Variants in PAXIP1 observed in about 807,000 individuals in gnomAD.
PAXIP1 encodes the protein PAX-interacting protein 1.
In PAXIP1, 19 loss-of-function variants were observed where a neutral mutation model predicts 140.6. The ratio of observed to expected loss-of-function variants is 0.14; its 90% CI spans 0.09 to 0.20. The LOEUF is 0.20. PAXIP1 is among the 10% of genes least tolerant of loss of function. The probability of loss-of-function intolerance (pLI) is 1.00; values close to 1 mark genes in which losing one functional copy is unlikely to be tolerated. For synonymous variants in PAXIP1, 442 were observed against 444.6 expected, an observed-to-expected ratio of 0.99 and a Z score of 0.07; for missense variants, 920 against 1,208.6, an observed-to-expected ratio of 0.76 and a Z score of 3.54.
chr7:154,954,230 C>A lies in PAXIP1; in HGVS notation c.2821+25G>T. ...AAAAAAGTTTATTTGGCATTAAAAG[C>A]AAAGTTACTGGCGCTGCTCCTTACC... On this transcript the variant is annotated intron_variant, in intron 16 of 20. Transcript: ENST00000404141. The surrounding 1 kb of genome is among the most constrained non-coding windows in gnomAD (Gnocchi z 5.1). 7.2e-7 allele frequency: 1 copy of A among 1,380,856 alleles called. No homozygotes were observed. The highest frequency in any genetic ancestry group is 9.5e-7 in the Non-Finnish European group (1 of 1,052,540). The allele number at this position is 1,380,856 out of a possible 1,614,324, so 85.5% of individuals were successfully genotyped here.
Position 154,956,084 on chromosome 7 carries a change from G to A in PAXIP1, c.2550-453C>T, listed in dbSNP as rs1808498788. On this transcript the variant is annotated intron_variant, in intron 14 of 20. Coordinates refer to ENST00000404141, the MANE Select transcript of PAXIP1 (RefSeq NM_007349.4). This position sits in a 1 kb window ranked among gnomAD's most constrained non-coding sequence, Gnocchi z 4.2. ...ACCATCAATACAAGTCAGCCAAGAC[G>A]AGTGTCGCTAGAGCTTCCAGTGTCT... is the stretch of plus-strand genomic sequence containing the variant. Among the ~76,000 whole-genome samples, 1 of 152,202 alleles carries A rather than the reference G, an allele frequency of 6.6e-6. No homozygotes were observed. The highest frequency in any genetic ancestry group is 1.5e-5 in the Non-Finnish European group (1 of 68,046).
chr7:154,981,045 C>G (rs1043878256), intron 5 of PAXIP1, among the ~76,000 whole-genome samples: 1 of 151,822 alleles, frequency 6.6e-6, no homozygotes, highest in Non-Finnish European at 1.5e-5. Flanking sequence ...TGTGTGAACC[C>G]GGGAGATGGA....
At position 154,993,800 on chromosome 7, in the gene PAXIP1, T is replaced by C. The variant is rs371456853; in HGVS notation, c.217-31A>G. The C allele has an allele frequency of 6.6e-6, 10 of 1,526,010 alleles. No individual in the cohort carries two copies. In the African/African-American group the frequency reaches 6.9e-5, roughly 11 times the overall value. The allele number at this position is 1,526,010 out of a possible 1,614,324, so 94.5% of individuals were successfully genotyped here. A position where few individuals can be genotyped will look rare whatever the true frequency, so the allele number is the denominator to read the frequency against. On this transcript the variant is annotated intron_variant, in intron 2 of 20. Transcript: ENST00000404141. ...AAAGAAAAGATTAAATCAAAAAGTA[T>C]TCTCAATTTACAAGTGGCATATTAT...
rs1253954340 is a variant in PAXIP1 at position 154,946,451 on chromosome 7, T to C, written c.3134-26A>G. ...CTGAACAGGGTGGAAACAGACACTT[T>C]AGTTAGAGATCCACTGCTGTGCGTG... On this transcript the variant is annotated intron_variant, in intron 19 of 20. Coordinates refer to ENST00000404141, the MANE Select transcript of PAXIP1 (RefSeq NM_007349.4). This position sits in a 1 kb window ranked among gnomAD's most constrained non-coding sequence, Gnocchi z 4.9. 6 of 1,611,362 alleles carry C rather than the reference T, an allele frequency of 3.7e-6. No homozygotes were observed. The highest frequency in any genetic ancestry group is 1.1e-5 in the South Asian group (1 of 91,046).
rs368239494 is a variant in PAXIP1 at position 154,943,924 on chromosome 7, T to TA, written c.*224dup. The TA allele has an allele frequency of 1.9e-3, 1,019 of 532,208 alleles. 16 individuals are homozygous for TA. Among genetic ancestry groups the TA allele is most frequent in the South Asian group, 0.016 (666 of 42,442 alleles). The allele number at this position is 532,208 out of a possible 1,614,324, so 33.0% of individuals were successfully genotyped here. ...AATCATAAAACCTAATGTGGGCTCTTAAAGTCATATAATACAAAACATAAT... is the reference window on the plus strand; with the variant it reads ...AATCATAAAACCTAATGTGGGCTCTTAAAAGTCATATAATACAAAACATAAT... On this transcript the variant is annotated 3_prime_UTR_variant, in exon 21 of 21. Coordinates refer to ENST00000404141, the MANE Select transcript of PAXIP1 (RefSeq NM_007349.4).
chr7:154,968,914 C>G lies in PAXIP1; in HGVS notation c.1287G>C (p.Gln429His), dbSNP rs1410754987. 4 of 1,306,564 alleles carry G rather than the reference C, an allele frequency of 3.1e-6. No homozygotes were observed. Among genetic ancestry groups the G allele is most frequent in the Non-Finnish European group, 4.3e-6 (4 of 924,816 alleles). 80.9% of individuals were successfully genotyped at this position (1,306,564 alleles called of 1,614,324 possible). A position where few individuals can be genotyped will look rare whatever the true frequency, so the allele number is the denominator to read the frequency against. Reference protein sequence around the residue: ...LQPQQIMQLQQQQQQQISQQP... With the variant: ...LQPQQIMQLQHQQQQQISQQP... ...GCTGAGAGATCTGCTGCTGCTGCTGCTGCTGGAGCTGCATTATCTGCTGGG... is the reference window on the plus strand; with the variant it reads ...GCTGAGAGATCTGCTGCTGCTGCTGGTGCTGGAGCTGCATTATCTGCTGGG... Residue 429 changes from glutamine (Q) to histidine (H), a missense_variant, in exon 7 of 21, where the codon CAG becomes CAC. Coordinates refer to ENST00000404141, the MANE Select transcript of PAXIP1 (RefSeq NM_007349.4).
chr7:154,984,418 A>C (rs1176259357), intron 4 of PAXIP1, among the ~76,000 whole-genome samples: 3 of 152,174 alleles, frequency 2.0e-5, no homozygotes, highest in Non-Finnish European at 4.4e-5. Context: ...TGTCTCGTTA[A>C]TTTTTTAAAA....
At position 154,986,153 on chromosome 7, in the gene PAXIP1, C is replaced by A. The variant is rs1810059535; in HGVS notation, c.325-2821G>T. ...CTGGGAGAGCTCTGGAAGACTCCAACAAAGAGCTCCAGCTTGTATCAACAC... is the reference window on the plus strand; with the variant it reads ...CTGGGAGAGCTCTGGAAGACTCCAAAAAAGAGCTCCAGCTTGTATCAACAC... On this transcript the variant is annotated intron_variant, in intron 4 of 20. Coordinates refer to ENST00000404141, the MANE Select transcript of PAXIP1 (RefSeq NM_007349.4). The surrounding 1 kb of genome is among the most constrained non-coding windows in gnomAD (Gnocchi z 4.8). The A allele has an allele frequency of 7.3e-7, 1 of 1,362,328 alleles. No individual in the cohort carries two copies. The highest frequency in any genetic ancestry group is 1.5e-5 in the African/African-American group (1 of 67,666). 84.4% of individuals were successfully genotyped at this position (1,362,328 alleles called of 1,614,324 possible).
chr7:154,985,057 G>T (rs1810009277), intron 4 of PAXIP1, among the ~76,000 whole-genome samples: 1 of 152,110 alleles, frequency 6.6e-6, no homozygotes, highest in South Asian at 2.1e-4. Flanking sequence ...ATTCTTCACT[G>T]ATGTACGTTT....
In PAXIP1 at chr7:154,946,569, A is replaced by G; in HGVS notation, c.3076T>C (p.Leu1026=). The G allele has an allele frequency of 6.2e-7, 1 of 1,613,962 alleles. No individual in the cohort carries two copies. Among genetic ancestry groups the G allele is most frequent in the Non-Finnish European group, 8.5e-7 (1 of 1,179,856 alleles). ...KQNSSLSEII[L]ISCENDLHLC... ...TGAAGGTCATTTTCACAGGATATTA[A>G]AATTATTTCCGACAAACTCTAAGGA... Residue 1026 remains leucine, a synonymous_variant, in exon 19 of 21, where the codon TTA becomes CTA. Coordinates refer to ENST00000404141, the MANE Select transcript of PAXIP1 (RefSeq NM_007349.4). The surrounding 1 kb of genome is among the most constrained non-coding windows in gnomAD (Gnocchi z 4.9).
At chr7:155,002,791 CG>C (rs1386502662) in intron 1 of PAXIP1, 57 bp downstream of exon 1, 6 of 985,308 alleles carry the variant, frequency 6.1e-6, no homozygotes, top group African/African-American at 5.2e-5. Context: ...GGGACGGGGA[CG>C]GGGACGGACG....
chr7:154,991,765 T>C (rs532020719), intron 3 of PAXIP1, among the ~76,000 whole-genome samples: 18 of 152,342 alleles, frequency 1.2e-4, no homozygotes, highest in African/African-American at 4.3e-4. Flanking sequence ...TAATTCATAG[T>C]CTATTCAGAG....
intron 16 of PAXIP1, 95 bp from the exon 17 acceptor site, chr7:154,948,098 A>G: frequency 1.3e-6 from 1 of 788,122 alleles, no homozygotes; most frequent in Non-Finnish European, 2.3e-6. Context: ...CAGGTACATA[A>G]TATTACAGCT....
intron 2 of PAXIP1, among the ~76,000 whole-genome samples, chr7:154,995,153 G>A (rs540863257): frequency 2.0e-5 from 3 of 152,274 alleles, no homozygotes; most frequent in South Asian, 2.1e-4. Context: ...TGCTGTCCAC[G>A]AGAATTTTCA....
chr7:154,987,531 T>G (rs73493752), intron 4 of PAXIP1, among the ~76,000 whole-genome samples: 3,760 of 152,242 alleles, frequency 0.025, 143 homozygotes, highest in African/African-American at 0.083. Context: ...CCTCTCTCTA[T>G]CATGCTCTGC....
intron 4 of PAXIP1, 134 bp from the exon 5 acceptor site, chr7:154,983,466 A>C (rs1165069113): frequency 1.7e-6 from 1 of 594,364 alleles, no homozygotes; most frequent in Non-Finnish European, 3.0e-6. Flanking sequence ...TTGTAGAAAA[A>C]ATAGAGAAGC....
intron 16 of PAXIP1, chr7:154,952,219 G>A (rs1487750477): frequency 6.6e-6 from 1 of 152,160 alleles, no homozygotes; most frequent in African/African-American, 2.4e-5. Context: ...TTATTTCACA[G>A]ATTCTTTGCT....
chr7:154,991,232 T>C (rs1021048635), intron 3 of PAXIP1, among the ~76,000 whole-genome samples, 163 bp from the exon 4 acceptor site: 1 of 152,162 alleles, frequency 6.6e-6, no homozygotes, highest in Non-Finnish European at 1.5e-5. Flanking sequence ...TAGAGAGTAG[T>C]GGGTGGCACA....
At chr7:154,948,695 C>T (rs1445454921) in intron 16 of PAXIP1, 3 of 151,734 alleles carry the variant, frequency 2.0e-5, no homozygotes, top group South Asian at 2.1e-4. Flanking sequence ...TTTCCAAGCC[C>T]GCAGATCTCA....
Sources: gnomAD v4.1 joint callset for allele counts (sites outside exome capture counted in the v4.1 genomes callset) on GRCh38, gnomAD v4.1.1 for gene constraint, Gnocchi (gnomAD v3.1) non-coding constraint, MANE v1.5 for transcripts, NCBI Gene and HGNC (gene_info 2026-07-23, HGNC 2026-07-21) for gene names.